Variants in PPP2R1B observed in about 807,000 individuals in gnomAD.
The protein encoded by PPP2R1B is serine/threonine-protein phosphatase 2A 65 kDa regulatory subunit A beta isoform.
PPP2R1B carries 58 observed loss-of-function variants against 72.7 expected under a neutral mutation model. The observed-to-expected ratio is 0.80, with a 90% CI of 0.65 to 0.99. The LOEUF (loss-of-function observed/expected upper bound fraction) is 0.99. Ranked by LOEUF, PPP2R1B falls within the 50% of genes least tolerant of loss-of-function variation. The probability of loss-of-function intolerance (pLI) is 0.00; values close to 1 mark genes in which losing one functional copy is unlikely to be tolerated. For synonymous variants in PPP2R1B, 256 were observed against 264.6 expected (o/e 0.97, Z 0.32); for missense variants, 695 against 733.6 (o/e 0.95, Z 0.61).
chr11:111,715,335 G>T, the PPP2R1B span, among the ~76,000 whole-genome samples: 1 of 152,178 alleles, frequency 6.6e-6, no homozygotes, highest in African/African-American at 2.4e-5. Context: ...AAACTTATCA[G>T]AGACACAGTT....
chr11:111,712,980 C>A, the PPP2R1B span, among the ~76,000 whole-genome samples: 4 of 152,118 alleles, frequency 2.6e-5, no homozygotes, highest in Admixed American at 2.6e-4. Context: ...CCTTGGGCAA[C>A]ATGGTGAAAC....
intron 7 of PPP2R1B, 129 bp from the exon 8 acceptor site, chr11:111,754,698 C>G (rs1945035922): frequency 2.1e-6 from 3 of 1,424,632 alleles, no homozygotes; most frequent in African/African-American, 1.5e-5. Context: ...GAAAACAGCT[C>G]TTGTTCTAAA....
chr11:111,688,146 G>C, the PPP2R1B span: 1 of 1,614,040 alleles, frequency 6.2e-7, no homozygotes, highest in Non-Finnish European at 8.5e-7. This position sits in a 1 kb window ranked among gnomAD's most constrained non-coding sequence, Gnocchi z 4.2. Flanking sequence ...ATAACAACAT[G>C]AATATCAAAA....
chr11:111,691,310 G>C, the PPP2R1B span, among the ~76,000 whole-genome samples: 1 of 152,180 alleles, frequency 6.6e-6, no homozygotes. Context: ...TGAAGACAGT[G>C]TGATGACTCA....
chr11:111,719,781 G>A, the PPP2R1B span: 2 of 1,612,132 alleles, frequency 1.2e-6, no homozygotes, highest in East Asian at 2.2e-5. Context: ...TTAGGTCAAT[G>A]GCTGTCTGCT....
chr11:111,704,993 C>T, the PPP2R1B span: 1 of 1,600,860 alleles, frequency 6.2e-7, no homozygotes, highest in Admixed American at 1.7e-5. Context: ...TCAGTCTTTG[C>T]AGAACAAGAG....
At chr11:111,729,970 A>G (rs1242245484) in intron 15 of PPP2R1B, 2 of 152,282 alleles carry the variant, frequency 1.3e-5, no homozygotes, top group African/African-American at 2.4e-5. Flanking sequence ...AAGGGGCCGC[A>G]TCGCACGGCA....
downstream of PPP2R1B, chr11:111,726,024 C>T (rs1327619259): frequency 4.6e-5 from 7 of 152,142 alleles, no homozygotes; most frequent in African/African-American, 1.4e-4. Flanking sequence ...TTGATGATTT[C>T]GTGAAATAAA....
At chr11:111,712,155 T>C in the PPP2R1B span, 1 of 1,493,056 alleles carries the variant, frequency 6.7e-7, no homozygotes, top group Non-Finnish European at 9.2e-7. Context: ...GAACTTTGTG[T>C]ATTTATAGAG....
chr11:111,755,267 C>G, intron 6 of PPP2R1B, 28 bp downstream of exon 6: 1 of 1,583,302 alleles, frequency 6.3e-7, no homozygotes, highest in Non-Finnish European at 8.6e-7. Context: ...AGGTTTATTT[C>G]CTTAGTACTT....
chr11:111,720,890 T>G, the PPP2R1B span: 2 of 1,612,864 alleles, frequency 1.2e-6, no homozygotes, highest in Admixed American at 3.3e-5. Context: ...TCTTGGTGCT[T>G]TCTTTCAGGA....
rs1434859809 is a variant in PPP2R1B at position 111,756,749 on chromosome 11, CT to C, written c.688-1300del. ...AAAAGTATGGGATTAATGAACTCAA[CT>C]TTCCAAATGTAAACAGCCAATGTCA... On this transcript the variant is annotated intron_variant, in intron 5 of 14. Transcript: ENST00000527614. 5.3e-5 allele frequency among the ~76,000 whole-genome samples: 8 copies of C among 152,332 alleles called. No homozygotes were observed. The East Asian group carries it at 1.3e-3, about 26-fold the overall frequency.
chr11:111,742,643 T>A lies in PPP2R1B; in HGVS notation c.1577A>T (p.Gln526Leu), dbSNP rs1944564179. Residue 526 changes from glutamine (Q) to leucine (L), a missense_variant, in exon 13 of 15, where the codon CAG becomes CTG. By Grantham distance (113) the Gln-to-Leu change is moderately radical. Transcript: ENST00000527614. ...CINALSEACGQEITTKQMLPI... is the reference protein window; with the variant it reads ...CINALSEACGLEITTKQMLPI... ...CAGCATTTGCTTAGTAGTTATTTCC[T>A]GACCACAGGCCTCAGACAGTGCCTA... 2.5e-6 allele frequency: 4 copies of A among 1,613,038 alleles called. No homozygotes were observed. The highest frequency in any genetic ancestry group is 3.4e-6 in the Non-Finnish European group (4 of 1,179,658).
chr11:111,692,650 A>G, the PPP2R1B span, among the ~76,000 whole-genome samples: 2 of 152,172 alleles, frequency 1.3e-5, no homozygotes, highest in Non-Finnish European at 2.9e-5. Flanking sequence ...TTATCTGTAA[A>G]TTTTATAACT....
chr11:111,733,447 A>G (rs1426892341), downstream of PPP2R1B, among the ~76,000 whole-genome samples: 2 of 152,166 alleles, frequency 1.3e-5, no homozygotes, highest in African/African-American at 4.8e-5. Flanking sequence ...AAAATGAGGC[A>G]TTAGGGATTG....
intron 3 of PPP2R1B, among the ~76,000 whole-genome samples, chr11:111,762,206 C>T (rs1455356779): frequency 1.3e-5 from 2 of 152,070 alleles, no homozygotes; most frequent in African/African-American, 4.8e-5. Context: ...ATAGAACTAA[C>T]CAAGAGTGAA....
intron 14 of PPP2R1B, 75 bp from the exon 15 acceptor site, chr11:111,741,687 T>C (rs1944525696): frequency 1.3e-6 from 2 of 1,491,316 alleles, no homozygotes; most frequent in Non-Finnish European, 1.9e-6. Context: ...TTAAGCACAA[T>C]AACAATGATC....
rs1386112048 is a variant in PPP2R1B at position 111,741,625 on chromosome 11, A to T, written c.1790-13T>A. On this transcript the variant is annotated splice_polypyrimidine_tract_variant and intron_variant, in intron 14 of 14. Transcript: ENST00000527614. ...GCCAATGCAAGAACTGGAAAATTCCAAACAAAATCAGGTTAGTGGTACAGA... is the reference window on the plus strand; with the variant it reads ...GCCAATGCAAGAACTGGAAAATTCCTAACAAAATCAGGTTAGTGGTACAGA... The T allele has an allele frequency of 6.2e-7, 1 of 1,613,290 alleles. No individual in the cohort carries two copies. The highest frequency in any genetic ancestry group is 8.5e-7 in the Non-Finnish European group (1 of 1,179,806).
At chr11:111,726,933 A>AT (rs756605426) in exon 16 of PPP2R1B, 8 of 1,605,614 alleles carry the variant, frequency 5.0e-6, no homozygotes, top group Non-Finnish European at 6.8e-6. Flanking sequence ...GTGGTACTTT[A>AT]TTTTTTATGT....
Sources: allele counts gnomAD v4.1 joint callset (sites outside exome capture counted in the v4.1 genomes callset), GRCh38; gene constraint gnomAD v4.1.1; non-coding constraint Gnocchi (gnomAD v3.1); transcripts MANE v1.5; gene names NCBI Gene and HGNC (gene_info 2026-07-23, HGNC 2026-07-21).